ADAMTSL1: variants seen among roughly 807,000 people sequenced by gnomAD.
ADAMTSL1 encodes the protein ADAMTS-like protein 1.
ADAMTSL1 carries 126 observed loss-of-function variants against 201.8 expected under a neutral mutation model. That is an observed-to-expected ratio of 0.62 (90% CI 0.54 to 0.72). ADAMTSL1 has a LOEUF of 0.72. Among genes scored for constraint, ADAMTSL1 ranks in the 30% least tolerant of loss-of-function variants. The pLI is 0.00. For missense variants in ADAMTSL1, 2,679 were observed against 2,277.8 expected, an observed-to-expected ratio of 1.18 and a Z score of -3.59; for synonymous variants, 1,121 against 903.4, an observed-to-expected ratio of 1.24 and a Z score of -4.32.
chr9:17,910,985 T>C (rs12347619), intron 1 of ADAMTSL1, among the ~76,000 whole-genome samples: 26,281 of 67,626 alleles, frequency 0.39, 12,283 homozygotes, highest in East Asian at 0.84. Context: ...GTAGATACTG[T>C]AGCTATAGTG....
At chr9:18,350,302 A>C (rs556735737) in intron 2 of ADAMTSL1, among the ~76,000 whole-genome samples, 53 of 152,166 alleles carry the variant, frequency 3.5e-4, no homozygotes, top group Non-Finnish European at 6.8e-4. Context: ...GAGAGGTCTG[A>C]ATGTAGAAGG....
At chr9:18,679,830 A>AT (rs1052686625) in intron 10 of ADAMTSL1, among the ~76,000 whole-genome samples, 3 of 93,208 alleles carry the variant, frequency 3.2e-5, no homozygotes, top group African/African-American at 1.3e-4. Context: ...AGCTTCTTCT[A>AT]TTAAAAAAAA....
intron 2 of ADAMTSL1, among the ~76,000 whole-genome samples, chr9:18,451,745 AT>A (rs1820414458): frequency 6.6e-6 from 1 of 152,248 alleles, no homozygotes; most frequent in Non-Finnish European, 1.5e-5. Context: ...CTATAACAGA[AT>A]ACTACAGGCT....
At chr9:18,842,987 C>T (rs1322097769) in intron 23 of ADAMTSL1, among the ~76,000 whole-genome samples, 1 of 152,138 alleles carries the variant, frequency 6.6e-6, no homozygotes, top group African/African-American at 2.4e-5. Context: ...ACTCTTTATC[C>T]AATTTGCCAG....
intron 26 of ADAMTSL1, among the ~76,000 whole-genome samples, chr9:18,901,681 G>C (rs557653131): frequency 4.6e-5 from 7 of 152,182 alleles, no homozygotes; most frequent in African/African-American, 1.7e-4. Flanking sequence ...AATGAGAAAG[G>C]AAGCAAAATT....
At chr9:18,399,022 AAC>A (rs1817858321) in intron 2 of ADAMTSL1, among the ~76,000 whole-genome samples, 1 of 151,690 alleles carries the variant, frequency 6.6e-6, no homozygotes, top group Non-Finnish European at 1.5e-5. Flanking sequence ...CAGTTCAACA[AAC>A]ACATACCACA....
intron 19 of ADAMTSL1, among the ~76,000 whole-genome samples, chr9:18,786,654 C>T (rs1286417030): frequency 6.6e-6 from 1 of 152,178 alleles, no homozygotes; most frequent in Non-Finnish European, 1.5e-5. Flanking sequence ...TCTTCCAGGA[C>T]ATCTCAAACT....
intron 3 of ADAMTSL1, among the ~76,000 whole-genome samples, chr9:18,563,514 C>T (rs1158060323): frequency 6.6e-6 from 1 of 152,232 alleles, no homozygotes; most frequent in Non-Finnish European, 1.5e-5. Context: ...ACGAGGCAGC[C>T]TGTCCCTTAG....
At chr9:18,839,742 T>C (rs1420620394) in intron 23 of ADAMTSL1, among the ~76,000 whole-genome samples, 1 of 152,074 alleles carries the variant, frequency 6.6e-6, no homozygotes, top group Non-Finnish European at 1.5e-5. Context: ...TGGTGTGAGG[T>C]GGTATCTCAT....
At chr9:18,148,326 C>T (rs1826747175) in intron 1 of ADAMTSL1, among the ~76,000 whole-genome samples, 1 of 141,312 alleles carries the variant, frequency 7.1e-6, no homozygotes, top group South Asian at 2.3e-4. Flanking sequence ...GTCACCTACA[C>T]TTCAGTGACA....
intron 1 of ADAMTSL1, among the ~76,000 whole-genome samples, chr9:18,476,368 C>T (rs1458742756): frequency 2.0e-5 from 3 of 152,034 alleles, no homozygotes; most frequent in African/African-American, 7.2e-5. Context: ...ATGTTTGCTT[C>T]GTATGGTGGT....
intron 2 of ADAMTSL1, among the ~76,000 whole-genome samples, chr9:18,276,641 G>A (rs1832599119): frequency 6.6e-6 from 1 of 152,208 alleles, no homozygotes; most frequent in African/African-American, 2.4e-5. Flanking sequence ...CTTCTGGTGA[G>A]GTCTTCAGGA....
At chr9:18,270,760 C>G (rs1437426245) in intron 2 of ADAMTSL1, among the ~76,000 whole-genome samples, 2 of 152,176 alleles carry the variant, frequency 1.3e-5, no homozygotes, top group African/African-American at 4.8e-5. Flanking sequence ...AGTAACTCTT[C>G]AGCCAAGGAC....
chr9:17,955,316 A>G (rs913688681), intron 1 of ADAMTSL1, among the ~76,000 whole-genome samples: 2 of 152,170 alleles, frequency 1.3e-5, no homozygotes, highest in African/African-American at 2.4e-5. Context: ...GTCTACTGTC[A>G]GCAAAGGGAA....
chr9:18,675,134 C>T (rs1031866751), intron 9 of ADAMTSL1, among the ~76,000 whole-genome samples: 5 of 152,180 alleles, frequency 3.3e-5, no homozygotes, highest in African/African-American at 9.7e-5. Context: ...CAAGCCATGA[C>T]AATCACAACC....
chr9:17,956,537 C>T (rs1050133590), intron 1 of ADAMTSL1, among the ~76,000 whole-genome samples: 6 of 152,040 alleles, frequency 3.9e-5, no homozygotes, highest in South Asian at 4.1e-4. Context: ...TTGGGAAGCC[C>T]GGGTGACTGT....
chr9:18,084,521 C>CA (rs112911506), intron 1 of ADAMTSL1, among the ~76,000 whole-genome samples: 15,093 of 136,068 alleles, frequency 0.11, 1,344 homozygotes, highest in African/African-American at 0.26. Flanking sequence ...GACTCCATCT[C>CA]AAAAAAAAAA....
intron 19 of ADAMTSL1, among the ~76,000 whole-genome samples, chr9:18,791,030 A>G (rs1822001840): frequency 6.6e-6 from 1 of 152,208 alleles, no homozygotes; most frequent in Non-Finnish European, 1.5e-5. Context: ...GCTCATTCTA[A>G]AGCAAGCCTA....
chr9:18,214,585 G>T (rs1017864665), intron 2 of ADAMTSL1, among the ~76,000 whole-genome samples: 1 of 152,130 alleles, frequency 6.6e-6, no homozygotes, highest in African/African-American at 2.4e-5. Context: ...TATAACAACA[G>T]TTCCACAAAG....
Sources: gnomAD v4.1 joint callset for allele counts (sites outside exome capture counted in the v4.1 genomes callset) on GRCh38, gnomAD v4.1.1 for gene constraint, MANE v1.5 for transcripts, NCBI Gene and HGNC (gene_info 2026-07-23, HGNC 2026-07-21) for gene names.